The following DNAH10 variants were observed in gnomAD, a reference collection of about 807,000 sequenced individuals.
The protein encoded by DNAH10 is dynein axonemal heavy chain 10.
DNAH10 carries 348 observed loss-of-function variants against 506.6 expected under a neutral mutation model. The ratio of observed to expected loss-of-function variants is 0.69; its 90% confidence interval spans 0.63 to 0.75. The LOEUF (loss-of-function observed/expected upper bound fraction) is 0.75. DNAH10 is among the 30% of genes least tolerant of loss of function. The pLI, the probability that DNAH10 is intolerant of heterozygous loss-of-function variation, is 0.00. For missense variants in DNAH10, 5,179 were observed against 5,787.1 expected, an observed-to-expected ratio of 0.89 and a Z score of 3.41; for synonymous variants, 2,059 against 2,198.6, an observed-to-expected ratio of 0.94 and a Z score of 1.78.
intron 54 of DNAH10, 31 bp downstream of exon 54, chr12:123,894,754 A>G (rs758755020): frequency 6.3e-7 from 1 of 1,583,744 alleles, no homozygotes; most frequent in Admixed American, 1.7e-5. Context: ...GAACTGCATT[A>G]TTGATAAAAC....
Position 123,813,358 on chromosome 12 carries a change from G to A in DNAH10, c.3339G>A (p.Arg1113=), listed in dbSNP as rs750805701. ...NLMKYLQKWK[R]YRPLWKLDKA... is the part of the protein sequence containing the mutation. ...TGAAGTATCTACAAAAATGGAAGCG[G>A]TATCGACCTCTCTGGAAATTGGACA... The change falls in exon 20 of 79, where the codon CGG becomes CGA. Residue 1113 remains arginine (R), a synonymous_variant. Coordinates refer to ENST00000673944, the MANE Select transcript of DNAH10 (RefSeq NM_001372106.1). 3.1e-6 allele frequency: 5 copies of A among 1,614,240 alleles called. No individual in the cohort carries two copies. The highest frequency in any genetic ancestry group is 1.7e-5 in the Admixed American group (1 of 60,028).
chr12:123,910,318 TG>T (rs1333578618), intron 58 of DNAH10, among the ~76,000 whole-genome samples: 14 of 152,212 alleles, frequency 9.2e-5, no homozygotes, highest in Non-Finnish European at 5.9e-5. Context: ...ACCTGCGTCC[TG>T]GGTGGCAGTA....
Position 123,877,810 on chromosome 12 carries a change from G to T in DNAH10, c.8274G>T (p.Val2758=), listed in dbSNP as rs746260169. ...FCTLALYKNI[V]QDLPPTPSKF... is the part of the protein sequence containing the mutation. ...CGCTAGCACTTTACAAAAATATTGT[G>T]CAAGACCTACCTCCCACTCCGTCAA... Residue 2758 remains valine (V), a synonymous_variant, in exon 48 of 79, where the codon GTG becomes GTT. Transcript: ENST00000673944. 5 of 1,613,774 alleles carry T rather than the reference G, an allele frequency of 3.1e-6. No homozygotes were observed. In the African/African-American group the frequency reaches 5.3e-5, roughly 17 times the overall value.
chr12:123,904,276 G>A (rs903419828), intron 57 of DNAH10, among the ~76,000 whole-genome samples: 8 of 152,160 alleles, frequency 5.3e-5, no homozygotes, highest in South Asian at 2.1e-4. Flanking sequence ...AGCACTAGGC[G>A]TTGGAAGTTT....
chr12:123,765,366 A>G (rs1321996726), intron 1 of DNAH10, among the ~76,000 whole-genome samples: 1 of 152,196 alleles, frequency 6.6e-6, no homozygotes, highest in Non-Finnish European at 1.5e-5. Context: ...CAGAACATAG[A>G]ATTACATATA....
intron 51 of DNAH10, among the ~76,000 whole-genome samples, chr12:123,886,905 G>T (rs1391886868): frequency 6.6e-6 from 1 of 152,210 alleles, no homozygotes; most frequent in African/African-American, 2.4e-5. Flanking sequence ...GTATGTGGCT[G>T]GCGTTCACCT....
intron 2 of DNAH10, among the ~76,000 whole-genome samples, chr12:123,770,839 T>A (rs897619071): frequency 6.6e-6 from 1 of 152,062 alleles, no homozygotes; most frequent in Admixed American, 6.6e-5. Flanking sequence ...TCTGCTGAGG[T>A]TTCTGAATCT....
At chr12:123,790,452 A>G (rs1461257722) in intron 11 of DNAH10, among the ~76,000 whole-genome samples, 1 of 152,182 alleles carries the variant, frequency 6.6e-6, no homozygotes, top group Non-Finnish European at 1.5e-5. Context: ...AGAATCACAA[A>G]GCGCCCTGTG....
chr12:123,764,118 G>A (rs1247913066), intron 1 of DNAH10, among the ~76,000 whole-genome samples: 4 of 152,128 alleles, frequency 2.6e-5, no homozygotes, highest in Non-Finnish European at 1.5e-5. Flanking sequence ...TGCCCACCTC[G>A]GCCTCCCGAA....
chr12:123,872,598 A>T (rs907746326), intron 45 of DNAH10, among the ~76,000 whole-genome samples: 12 of 151,724 alleles, frequency 7.9e-5, no homozygotes, highest in Non-Finnish European at 1.3e-4. Flanking sequence ...GTTCGTTCTC[A>T]AAGTGTGGTC....
At chr12:123,896,531 A>G (rs1427824057) in intron 54 of DNAH10, among the ~76,000 whole-genome samples, 1 of 152,168 alleles carries the variant, frequency 6.6e-6, no homozygotes, top group Admixed American at 6.5e-5. Context: ...GGTGTCATCC[A>G]GCGGTGGGTA....
Position 123,909,007 on chromosome 12 carries a change from G to A in DNAH10, c.9816-254G>A, listed in dbSNP as rs1211293485. On this transcript the variant is annotated intron_variant, in intron 57 of 78. Transcript: ENST00000673944. The surrounding 1 kb of genome is among the most constrained non-coding windows in gnomAD (Gnocchi z 5.4). ...TCCAGACGCTCCGGGGACGGCCTGG[G>A]TTTGTATTTTAATGCTGCCCCCGCA... is the stretch of plus-strand genomic sequence containing the variant. Among the ~76,000 whole-genome samples, 1 of 152,206 alleles carries A rather than the reference G, an allele frequency of 6.6e-6. No individual in the cohort carries two copies. Among genetic ancestry groups the A allele is most frequent in the Admixed American group, 6.5e-5 (1 of 15,280 alleles).
chr12:123,808,878 C>A lies in DNAH10; in HGVS notation c.3069C>A (p.Ile1023=), dbSNP rs568051008. 5.0e-6 allele frequency: 8 copies of A among 1,614,218 alleles called. No individual in the cohort carries two copies. The African/African-American group carries it at 1.1e-4, about 22-fold the overall frequency. The change falls in exon 19 of 79, where the codon ATC becomes ATA. Residue 1023 remains isoleucine (I), a synonymous_variant. Transcript: ENST00000673944. The part of the protein sequence containing the change: ...HTETILTAPE[I]ILHPNTNEID... ...AAACCATTCTGACGGCACCTGAGAT[C>A]ATCCTTCATCCCAACACAAATGAGA...
At chr12:123,872,711 T>C (rs920408890) in intron 45 of DNAH10, among the ~76,000 whole-genome samples, 1 of 150,352 alleles carries the variant, frequency 6.7e-6, no homozygotes. Flanking sequence ...CTCAAGAGAC[T>C]GAGGAAGAAG....
intron 67 of DNAH10, 114 bp downstream of exon 67, chr12:123,924,546 T>TTACACACTGAATG: frequency 7.6e-7 from 1 of 1,312,068 alleles, no homozygotes; most frequent in Admixed American, 2.5e-5. Flanking sequence ...ACCCATTCAG[T>TTACACACTGAATG]GTGTAACTGA....
chr12:123,809,448 C>T (rs770115371), intron 19 of DNAH10, among the ~76,000 whole-genome samples: 4 of 151,980 alleles, frequency 2.6e-5, no homozygotes, highest in Non-Finnish European at 4.4e-5. Context: ...GAGTTCCAGA[C>T]CAGCCTGTGC....
chr12:123,896,152 G>T (rs56147810), intron 54 of DNAH10, among the ~76,000 whole-genome samples: 2,343 of 63,222 alleles, frequency 0.037, 57 homozygotes, highest in African/African-American at 0.079. Context: ...CACACACAGA[G>T]AGAGAGAGAG....
intron 24 of DNAH10, among the ~76,000 whole-genome samples, chr12:123,825,731 G>A (rs1367058220): frequency 6.6e-6 from 1 of 152,182 alleles, no homozygotes; most frequent in African/African-American, 2.4e-5. Flanking sequence ...CTTGATTGTG[G>A]TGGTGCTTTC....
At position 123,762,942 on chromosome 12, in the gene DNAH10, G is replaced by A. The variant is rs146636124; in HGVS notation, c.214+392G>A. Reference sequence around the variant, plus strand: ...GTAACCTGCCCAAGGCCCACGGGGCGTCAAGATCCACTGTGCAATAATCCG... The same window carrying A: ...GTAACCTGCCCAAGGCCCACGGGGCATCAAGATCCACTGTGCAATAATCCG... On this transcript the variant is annotated intron_variant, in intron 1 of 78. Transcript: ENST00000673944. The surrounding 1 kb of genome is among the most constrained non-coding windows in gnomAD (Gnocchi z 5.0). 4.6e-5 allele frequency among the ~76,000 whole-genome samples: 7 copies of A among 152,262 alleles called. No individual in the cohort carries two copies. In the East Asian group the frequency reaches 1.4e-3, roughly 29 times the overall value.
Sources: gnomAD v4.1 joint callset for allele counts (sites outside exome capture counted in the v4.1 genomes callset) on GRCh38, gnomAD v4.1.1 for gene constraint, Gnocchi (gnomAD v3.1) non-coding constraint, MANE v1.5 for transcripts, NCBI Gene and HGNC (gene_info 2026-07-23, HGNC 2026-07-21) for gene names.